The following EXOC2 variants were observed in gnomAD, a reference collection of about 807,000 sequenced individuals.
EXOC2 encodes the protein exocyst complex component 2.
A neutral mutation model predicts 131.8 loss-of-function variants in EXOC2; 70 were observed. The ratio of observed to expected loss-of-function variants is 0.53; its 90% CI spans 0.44 to 0.65. The LOEUF (loss-of-function observed/expected upper bound fraction) is 0.65, where lower values mean the gene tolerates loss of function less well. Among genes scored for constraint, EXOC2 ranks in the 30% least tolerant of loss-of-function variants. EXOC2 has a pLI of 0.00. For synonymous variants in EXOC2, 411 were observed against 398.4 expected (o/e 1.03, Z -0.38); for missense variants, 923 against 1,108.6 (o/e 0.83, Z 2.38).
intron 6 of EXOC2, among the ~76,000 whole-genome samples, chr6:615,301 T>C (rs1760938311): frequency 6.6e-6 from 1 of 151,860 alleles, no homozygotes; most frequent in Admixed American, 6.6e-5. Context: ...CAGTGTCTGT[T>C]CAGGAGACCC....
At chr6:618,854 T>C (rs1303287914) in intron 5 of EXOC2, among the ~76,000 whole-genome samples, 2 of 152,234 alleles carry the variant, frequency 1.3e-5, no homozygotes, top group African/African-American at 2.4e-5. Context: ...TATCCAAACA[T>C]TTTTTGCTGA....
chr6:552,159 A>G (rs1757178458), intron 21 of EXOC2, among the ~76,000 whole-genome samples: 1 of 152,238 alleles, frequency 6.6e-6, no homozygotes, highest in Non-Finnish European at 1.5e-5. Context: ...GTTGCTAAAT[A>G]GCAGAAATCA....
intron 25 of EXOC2, among the ~76,000 whole-genome samples, chr6:496,076 G>A (rs183946424): frequency 2.0e-4 from 31 of 151,686 alleles, no homozygotes; most frequent in East Asian, 7.8e-4. Context: ...CTATTTCTCC[G>A]CCGAGATTTC....
intron 6 of EXOC2, among the ~76,000 whole-genome samples, chr6:614,499 G>GT (rs1039541312): frequency 9.2e-5 from 14 of 152,178 alleles, no homozygotes; most frequent in African/African-American, 3.1e-4. Flanking sequence ...ACTATAACCT[G>GT]TAATTTCCCT....
At chr6:574,581 G>C (rs1166431668) in intron 12 of EXOC2, among the ~76,000 whole-genome samples, 1 of 152,192 alleles carries the variant, frequency 6.6e-6, no homozygotes, top group Non-Finnish European at 1.5e-5. Context: ...TATGCTAGGA[G>C]TTGCAGGAAA....
chr6:638,079 C>T (rs373648830), intron 1 of EXOC2, among the ~76,000 whole-genome samples: 3 of 152,238 alleles, frequency 2.0e-5, no homozygotes, highest in South Asian at 4.1e-4. Flanking sequence ...ATAAGAATAA[C>T]AGAATGCTAA....
At chr6:488,509 A>G (rs1208311412) in intron 27 of EXOC2, among the ~76,000 whole-genome samples, 1 of 152,186 alleles carries the variant, frequency 6.6e-6, no homozygotes, top group Non-Finnish European at 1.5e-5. Flanking sequence ...TTATTATGCC[A>G]TATGTGCACA....
chr6:592,858 G>A (rs772842334), intron 10 of EXOC2, among the ~76,000 whole-genome samples: 104 of 151,716 alleles, frequency 6.9e-4, no homozygotes, highest in Admixed American at 1.2e-3. Flanking sequence ...AAACCCCGTC[G>A]CTACTAAAAA....
At chr6:508,995 T>G (rs1764711896) in intron 23 of EXOC2, among the ~76,000 whole-genome samples, 1 of 152,258 alleles carries the variant, frequency 6.6e-6, no homozygotes, top group Non-Finnish European at 1.5e-5. Flanking sequence ...GGTATCTTAC[T>G]GTTGTTTTAA....
chr6:540,128 T>A lies in EXOC2; in HGVS notation c.2239-7518A>T, dbSNP rs1019996383. 2.0e-5 allele frequency among the ~76,000 whole-genome samples: 3 copies of A among 152,194 alleles called. No homozygotes were observed. The East Asian group carries it at 5.8e-4, about 29-fold the overall frequency. ...GCACACCATGCCCAGCTAATTTTTT[T>A]ATTTTTAGTAGAGATGGGGTTTCAC... On this transcript the variant is annotated intron_variant, in intron 22 of 27. Transcript: ENST00000230449.
At chr6:489,489 G>C (rs534869497) in intron 26 of EXOC2, among the ~76,000 whole-genome samples, 16 of 152,320 alleles carry the variant, frequency 1.1e-4, no homozygotes, top group African/African-American at 3.8e-4. Flanking sequence ...CCAATGTCTT[G>C]TAATAATTAC....
chr6:598,998 G>A, intron 8 of EXOC2, 57 bp from the exon 9 acceptor site: 1 of 1,563,020 alleles, frequency 6.4e-7, no homozygotes, highest in Non-Finnish European at 8.7e-7. Flanking sequence ...AAGACATTTG[G>A]TTAATATAAA....
At chr6:554,200 C>G (rs1581426602) in intron 20 of EXOC2, among the ~76,000 whole-genome samples, 1 of 152,084 alleles carries the variant, frequency 6.6e-6, no homozygotes, top group African/African-American at 2.4e-5. Context: ...CGCCACCATG[C>G]CTGGCTAATT....
At chr6:650,743 TA>T (rs2127737458) in intron 1 of EXOC2, among the ~76,000 whole-genome samples, 1 of 152,324 alleles carries the variant, frequency 6.6e-6, no homozygotes, top group Non-Finnish European at 1.5e-5. Context: ...ACTGTAAAAT[TA>T]TTTATGTTCT....
intron 1 of EXOC2, chr6:669,215 A>C (rs2127772491): frequency 6.6e-6 from 1 of 152,426 alleles, no homozygotes; most frequent in African/African-American, 2.4e-5. Context: ...GCTACATGCC[A>C]GATCTTCCCA....
chr6:626,292 G>T (rs761193828), intron 4 of EXOC2, among the ~76,000 whole-genome samples: 6 of 152,272 alleles, frequency 3.9e-5, no homozygotes, highest in Non-Finnish European at 7.4e-5. Flanking sequence ...GCCAACAAAT[G>T]CCACGTTGTT....
intron 1 of EXOC2, among the ~76,000 whole-genome samples, chr6:643,563 C>T (rs533827531): frequency 7.9e-5 from 12 of 151,582 alleles, no homozygotes; most frequent in African/African-American, 2.7e-4. Flanking sequence ...AACTTAAAAT[C>T]TTAGAGAAAA....
chr6:518,909 T>C (rs1180837598), intron 23 of EXOC2, among the ~76,000 whole-genome samples: 1 of 151,898 alleles, frequency 6.6e-6, no homozygotes, highest in Non-Finnish European at 1.5e-5. Context: ...TCCATCAGAG[T>C]TCAGTAAAGA....
intron 13 of EXOC2, among the ~76,000 whole-genome samples, chr6:571,841 A>C (rs981793961): frequency 1.3e-5 from 2 of 152,178 alleles, no homozygotes. Flanking sequence ...GTTAGAATCT[A>C]TGTCCAGGAG....
Sources: gnomAD v4.1 joint callset for allele counts (sites outside exome capture counted in the v4.1 genomes callset) on GRCh38, gnomAD v4.1.1 for gene constraint, MANE v1.5 for transcripts, NCBI Gene and HGNC (gene_info 2026-07-23, HGNC 2026-07-21) for gene names.